The following EFCC1 variants were observed in gnomAD, a reference collection of about 807,000 sequenced individuals.
The protein encoded by EFCC1 is EF-hand and coiled-coil domain-containing protein 1.
EFCC1 carries 50 observed loss-of-function variants against 52.1 expected under a neutral mutation model. The observed-to-expected ratio is 0.96, with a 90% confidence interval of 0.76 to 1.21. The LOEUF is 1.21. EFCC1 is among the 50% of genes most tolerant of loss of function. The pLI is 0.00. For missense variants in EFCC1, 837 were observed against 867.3 expected (o/e 0.97, Z 0.44); for synonymous variants, 399 against 396.5 (o/e 1.01, Z -0.08).
chr3:129,017,995 A>C (rs1199932759), intron 2 of EFCC1, among the ~76,000 whole-genome samples: 1 of 152,238 alleles, frequency 6.6e-6, no homozygotes, highest in Non-Finnish European at 1.5e-5. Flanking sequence ...CATTGAAGCA[A>C]GAAAATAACA....
intron 2 of EFCC1, among the ~76,000 whole-genome samples, chr3:129,018,046 A>G (rs1235027159): frequency 6.6e-6 from 1 of 152,194 alleles, no homozygotes; most frequent in Non-Finnish European, 1.5e-5. Flanking sequence ...AGTCCTGGCC[A>G]TACAAGAGGG....
chr3:129,035,503 G>A (rs1204873114), intron 5 of EFCC1, among the ~76,000 whole-genome samples: 4 of 152,246 alleles, frequency 2.6e-5, no homozygotes, highest in Non-Finnish European at 4.4e-5. Flanking sequence ...CATGAAATCA[G>A]AGACCAAGAC....
At chr3:129,036,634 TC>T (rs1016376388) in intron 5 of EFCC1, among the ~76,000 whole-genome samples, 10 of 152,174 alleles carry the variant, frequency 6.6e-5, no homozygotes, top group African/African-American at 2.4e-4. Flanking sequence ...CCTGTCCCAT[TC>T]CTGAGGTTCT....
chr3:129,003,486 A>G (rs1944898915), intron 1 of EFCC1, among the ~76,000 whole-genome samples: 1 of 151,528 alleles, frequency 6.6e-6, no homozygotes, highest in African/African-American at 2.4e-5. Flanking sequence ...GGCCGAGAAG[A>G]GTCGCGAGGT....
chr3:129,007,758 G>T (rs1235479180), intron 2 of EFCC1, among the ~76,000 whole-genome samples: 1 of 152,210 alleles, frequency 6.6e-6, no homozygotes, highest in Non-Finnish European at 1.5e-5. Context: ...TTCCTAAAAT[G>T]GGATCTTGAT....
In EFCC1 at chr3:129,002,157, C is replaced by T; in HGVS notation, c.529C>T (p.Arg177Cys). The T allele has an allele frequency of 6.8e-7, 1 of 1,470,706 alleles. No individual in the cohort carries two copies. The allele number at this position is 1,470,706 out of a possible 1,614,324, so 91.1% of individuals were successfully genotyped here. The change falls in exon 1 of 8, where the codon CGC becomes TGC. Residue 177 changes from arginine (R) to cysteine (C), a missense_variant. By Grantham distance (180) the Arg-to-Cys change is radical. Coordinates refer to ENST00000683648, the MANE Select transcript of EFCC1 (RefSeq NM_001377500.1). ...SEHIETQIRL[R>C]RPRRRRRPPC... is the part of the protein sequence containing the mutation. ...GCACATCGAGACGCAGATCCGCCTGCGCCGTCCGCGCCGCCGCCGCCGCCC... is the reference window on the plus strand; with the variant it reads ...GCACATCGAGACGCAGATCCGCCTGTGCCGTCCGCGCCGCCGCCGCCGCCC...
At position 129,014,963 on chromosome 3, in the gene EFCC1, G is replaced by C. The variant is rs960784849; in HGVS notation, c.980+10886G>C. ...CAGACCCACCTGCTACTCTCCAGTCGCACCCACCACCCAGCCCAGCCCCAG... is the reference window on the plus strand; with the variant it reads ...CAGACCCACCTGCTACTCTCCAGTCCCACCCACCACCCAGCCCAGCCCCAG... On this transcript the variant is annotated intron_variant, in intron 2 of 7. Coordinates refer to ENST00000683648, the MANE Select transcript of EFCC1 (RefSeq NM_001377500.1). The surrounding 1 kb of genome is among the most constrained non-coding windows in gnomAD (Gnocchi z 4.3). Among the ~76,000 whole-genome samples the C allele has an allele frequency of 6.6e-6, 1 of 152,168 alleles. No individual in the cohort carries two copies. Among genetic ancestry groups the C allele is most frequent in the Admixed American group, 6.5e-5 (1 of 15,284 alleles).
intron 2 of EFCC1, among the ~76,000 whole-genome samples, chr3:129,013,007 C>T (rs1035170856): frequency 1.3e-5 from 2 of 152,256 alleles, no homozygotes; most frequent in Middle Eastern, 3.4e-3. Flanking sequence ...TGCTATTTAC[C>T]CACAAGGAGA....
At position 129,030,602 on chromosome 3, in the gene EFCC1, G is replaced by C. The variant is rs541647767; in HGVS notation, c.981-101G>C. On this transcript the variant is annotated intron_variant, in intron 2 of 7. Transcript: ENST00000683648. Reference sequence around the variant, plus strand: ...GACTGTGGGAAGCTGACTCTGCCAGGGTGACAATGGGTGTTCATAGACAGC... The same window carrying C: ...GACTGTGGGAAGCTGACTCTGCCAGCGTGACAATGGGTGTTCATAGACAGC... The C allele has an allele frequency of 1.3e-4, 174 of 1,341,024 alleles. No homozygotes were observed. In the African/African-American group the frequency reaches 2.4e-3, roughly 19 times the overall value. The allele number at this position is 1,341,024 out of a possible 1,614,324, so 83.1% of individuals were successfully genotyped here.
rs187534243 is a variant in EFCC1 at position 129,034,730 on chromosome 3, A to C, written c.1452+401A>C. On this transcript the variant is annotated intron_variant, in intron 5 of 7. Transcript: ENST00000683648. ...GGAAGACAGGACCATGAACAGCCCT[A>C]GACTTCCATCAGCCCACCTGGGAAG... is the stretch of plus-strand genomic sequence containing the variant. Among the ~76,000 whole-genome samples the C allele has an allele frequency of 2.0e-4, 31 of 152,294 alleles. No individual in the cohort carries two copies. In the East Asian group the frequency reaches 4.1e-3, roughly 20 times the overall value.
Position 129,030,692 on chromosome 3 carries a change from C to T in EFCC1, c.981-11C>T, listed in dbSNP as rs754080485. ...TCCTCCTCAATGCCTGTGTCTCTCC[C>T]ACGGCTGCAGGTCAGAGGATTCCCA... On this transcript the variant is annotated splice_polypyrimidine_tract_variant and intron_variant, in intron 2 of 7. Transcript: ENST00000683648. The T allele has an allele frequency of 4.5e-6, 7 of 1,550,416 alleles. No homozygotes were observed. The South Asian group carries it at 8.3e-5, about 18-fold the overall frequency.
intron 2 of EFCC1, among the ~76,000 whole-genome samples, chr3:129,008,454 T>C (rs1945172202): frequency 6.6e-6 from 1 of 152,238 alleles, no homozygotes; most frequent in Admixed American, 6.5e-5. Flanking sequence ...AACATATTTG[T>C]AGATGGAAGA....
chr3:129,004,037 CG>C lies in EFCC1; in HGVS notation c.941del (p.Arg314ProfsTer25). On this transcript the variant is annotated frameshift_variant, in exon 2 of 8. Coordinates refer to ENST00000683648, the MANE Select transcript of EFCC1 (RefSeq NM_001377500.1). LOFTEE classifies it high-confidence loss of function. ...ALAQQVPGLQ[R>X]WVRRLEAELQ... ...GGCGCAACAGGTGCCCGGCTTGCAGCGCTGGGTGCGGCGGCTGGAGGCGGAG... is the reference window on the plus strand; with the variant it reads ...GGCGCAACAGGTGCCCGGCTTGCAGCCTGGGTGCGGCGGCTGGAGGCGGAG... 1 of 1,511,254 alleles carries C rather than the reference CG, an allele frequency of 6.6e-7. No individual in the cohort carries two copies. 93.6% of individuals were successfully genotyped at this position (1,511,254 alleles called of 1,614,324 possible).
rs1335711571 is a variant in EFCC1, at chr3:129,002,231, G to A, written c.603G>A (p.Ala201=). The part of the protein sequence containing the change: ...PDSGPDCERV[A]RLEEENSSLR... ...GCGGTCCTGACTGTGAGCGCGTTGC[G>A]CGGCTGGAGGAGGAGAATAGCAGCT... The change falls in exon 1 of 8, where the codon GCG becomes GCA. Residue 201 remains alanine, a synonymous_variant. Transcript: ENST00000683648. The A allele has an allele frequency of 3.3e-6, 5 of 1,528,778 alleles. No individual in the cohort carries two copies. Among genetic ancestry groups the A allele is most frequent in the East Asian group, 2.5e-5 (1 of 39,366 alleles). The allele number at this position is 1,528,778 out of a possible 1,614,324, so 94.7% of individuals were successfully genotyped here.
At chr3:129,034,541 A>C (rs1450113750) in intron 5 of EFCC1, among the ~76,000 whole-genome samples, 1 of 152,220 alleles carries the variant, frequency 6.6e-6, no homozygotes, top group African/African-American at 2.4e-5. Context: ...ATTGCAAAAC[A>C]GATATTGGAA....
intron 3 of EFCC1, among the ~76,000 whole-genome samples, chr3:129,032,376 G>A (rs754787552): frequency 7.2e-5 from 11 of 151,980 alleles, no homozygotes; most frequent in Admixed American, 1.3e-4. Flanking sequence ...AGCCAGGCAC[G>A]GTGGTTCATG....
At chr3:129,023,088 A>G (rs920246211) in intron 2 of EFCC1, among the ~76,000 whole-genome samples, 1 of 152,250 alleles carries the variant, frequency 6.6e-6, no homozygotes, top group African/African-American at 2.4e-5. Flanking sequence ...GGGTGTTAAA[A>G]GGAAAACTTT....
intron 5 of EFCC1, 114 bp from the exon 6 acceptor site, chr3:129,036,863 A>G: frequency 6.6e-7 from 1 of 1,514,700 alleles, no homozygotes; most frequent in Non-Finnish European, 9.0e-7. Context: ...TAGGCCACAC[A>G]CTCAGCTTCT....
chr3:129,035,352 G>A (rs937179628), intron 5 of EFCC1, among the ~76,000 whole-genome samples: 1 of 152,164 alleles, frequency 6.6e-6, no homozygotes, highest in Non-Finnish European at 1.5e-5. Context: ...AAATGGGCTG[G>A]GCTGGGAGCC....
Sources: allele counts gnomAD v4.1 joint callset (sites outside exome capture counted in the v4.1 genomes callset), GRCh38; gene constraint gnomAD v4.1.1; non-coding constraint Gnocchi (gnomAD v3.1); transcripts MANE v1.5; gene names NCBI Gene and HGNC (gene_info 2026-07-23, HGNC 2026-07-21).